GABRG3: variants seen among roughly 807,000 people sequenced by gnomAD.
GABRG3 encodes gamma-aminobutyric acid receptor subunit gamma-3.
Under a neutral mutation model 48.8 loss-of-function variants are expected in GABRG3, and 25 were observed. The ratio of observed to expected loss-of-function variants is 0.51; its 90% CI spans 0.37 to 0.72. GABRG3 has a LOEUF of 0.72. GABRG3 is among the 30% of genes least tolerant of loss of function. GABRG3 has a pLI of 0.00. For missense variants in GABRG3, 394 were observed against 577.9 expected, an observed-to-expected ratio of 0.68 and a Z score of 3.26; for synonymous variants, 227 against 217.6, an observed-to-expected ratio of 1.04 and a Z score of -0.38.
At chr15:27,430,174 A>G (rs996561007) in intron 5 of GABRG3, among the ~76,000 whole-genome samples, 1 of 152,184 alleles carries the variant, frequency 6.6e-6, no homozygotes, top group Admixed American at 6.5e-5. Context: ...ATCTCTTTAG[A>G]TGCTTATTGG....
At chr15:27,423,040 G>A (rs970260352) in intron 5 of GABRG3, among the ~76,000 whole-genome samples, 6 of 151,708 alleles carry the variant, frequency 4.0e-5, no homozygotes, top group Non-Finnish European at 8.8e-5. Flanking sequence ...TGTGAACCTG[G>A]GGGTCCAGGG....
chr15:27,034,591 T>G (rs1896143178), intron 3 of GABRG3, among the ~76,000 whole-genome samples: 1 of 149,444 alleles, frequency 6.7e-6, no homozygotes, highest in Non-Finnish European at 1.5e-5. Flanking sequence ...CTCTGCAAAT[T>G]AAAAAAAAAA....
At chr15:27,418,739 T>G (rs902520786) in intron 5 of GABRG3, 2 of 152,250 alleles carry the variant, frequency 1.3e-5, no homozygotes, top group Admixed American at 6.5e-5. Flanking sequence ...AATAAAATGT[T>G]TTCTTTTTCA....
At chr15:27,290,412 G>A (rs1264764385) in intron 3 of GABRG3, among the ~76,000 whole-genome samples, 1 of 151,932 alleles carries the variant, frequency 6.6e-6, no homozygotes, top group East Asian at 1.9e-4. Flanking sequence ...ATATGTGAAA[G>A]GGGCAAGAAA....
At chr15:27,498,654 C>A (rs1206351907) in intron 6 of GABRG3, among the ~76,000 whole-genome samples, 1 of 152,026 alleles carries the variant, frequency 6.6e-6, no homozygotes, top group African/African-American at 2.4e-5. Flanking sequence ...CCATGCCTGG[C>A]TAACTTTTTG....
At chr15:27,356,517 A>G (rs112229965) in intron 5 of GABRG3, among the ~76,000 whole-genome samples, 1,606 of 152,288 alleles carry the variant, frequency 0.011, 33 homozygotes, top group African/African-American at 0.036. Context: ...ATCTACATAT[A>G]GGCTCAGTCT....
At chr15:27,092,926 G>C (rs1897214102) in intron 3 of GABRG3, among the ~76,000 whole-genome samples, 1 of 151,830 alleles carries the variant, frequency 6.6e-6, no homozygotes, top group Non-Finnish European at 1.5e-5. Context: ...GACTTGGTCT[G>C]GTAGCTGAGT....
intron 3 of GABRG3, among the ~76,000 whole-genome samples, chr15:27,108,136 T>G (rs953142286): frequency 3.9e-5 from 6 of 152,122 alleles, no homozygotes; most frequent in Non-Finnish European, 5.9e-5. Context: ...ATTCTCTAGT[T>G]CTCTAAAGTA....
chr15:27,137,250 ATC>A (rs1163784068), intron 3 of GABRG3, among the ~76,000 whole-genome samples: 1 of 152,108 alleles, frequency 6.6e-6, no homozygotes, highest in African/African-American at 2.4e-5. Context: ...CTCTCTTTGC[ATC>A]TCTCTCCTAG....
intron 3 of GABRG3, among the ~76,000 whole-genome samples, chr15:27,258,248 A>T (rs1477157162): frequency 6.6e-6 from 1 of 152,148 alleles, no homozygotes; most frequent in African/African-American, 2.4e-5. Flanking sequence ...TTATTACCTT[A>T]TTTCAGTATC....
chr15:27,366,483 G>T (rs1339319167), intron 5 of GABRG3: 1 of 152,108 alleles, frequency 6.6e-6, no homozygotes, highest in East Asian at 1.9e-4. Context: ...GCCTTTGATC[G>T]CCAGTAATTA....
At chr15:27,045,919 G>A (rs1159391496) in intron 3 of GABRG3, among the ~76,000 whole-genome samples, 1 of 152,110 alleles carries the variant, frequency 6.6e-6, no homozygotes. Flanking sequence ...GAGAAACACT[G>A]GCTCAGCCTC....
At chr15:27,188,297 T>C (rs202239491) in intron 3 of GABRG3, among the ~76,000 whole-genome samples, 4,835 of 152,146 alleles carry the variant, frequency 0.032, 230 homozygotes, top group East Asian at 0.1. Context: ...CCTGAGGAAT[T>C]GCCACACTGA....
intron 5 of GABRG3, among the ~76,000 whole-genome samples, chr15:27,439,458 T>A (rs184472889): frequency 2.6e-5 from 4 of 152,320 alleles, no homozygotes; most frequent in Admixed American, 2.6e-4. Flanking sequence ...TGCAGATTGA[T>A]GTTGATCATC....
intron 3 of GABRG3, among the ~76,000 whole-genome samples, chr15:27,237,862 T>C (rs1484709908): frequency 6.6e-6 from 1 of 152,178 alleles, no homozygotes; most frequent in Non-Finnish European, 1.5e-5. Context: ...GCACCAAATT[T>C]ATAGGGTCTC....
At chr15:27,163,486 A>G (rs892753049) in intron 3 of GABRG3, among the ~76,000 whole-genome samples, 1 of 152,022 alleles carries the variant, frequency 6.6e-6, no homozygotes, top group Admixed American at 6.6e-5. Flanking sequence ...CACATGGAGC[A>G]TTTCATTTTA....
At chr15:27,067,561 G>A (rs140248755) in intron 3 of GABRG3, among the ~76,000 whole-genome samples, 219 of 152,330 alleles carry the variant, frequency 1.4e-3, no homozygotes, top group Non-Finnish European at 2.8e-3. Context: ...GTGCTCCAGA[G>A]TGCCCCTGTG....
chr15:27,326,778 C>A (rs1290867338), intron 3 of GABRG3, 31 bp from the exon 4 acceptor site: 1 of 1,511,762 alleles, frequency 6.6e-7, no homozygotes, highest in African/African-American at 1.4e-5. Context: ...ATTAATAGAA[C>A]TGTCTTGCCT....
At chr15:27,307,820 A>C (rs1188093191) in intron 3 of GABRG3, among the ~76,000 whole-genome samples, 3 of 88,002 alleles carry the variant, frequency 3.4e-5, no homozygotes, top group African/African-American at 8.9e-5. Context: ...CATATATAAA[A>C]TAAACATAAA....
Sources: gnomAD v4.1 joint callset for allele counts (sites outside exome capture counted in the v4.1 genomes callset) on GRCh38, gnomAD v4.1.1 for gene constraint, MANE v1.5 for transcripts, NCBI Gene and HGNC (gene_info 2026-07-23, HGNC 2026-07-21) for gene names.